C12orf42: variants seen among roughly 807,000 people sequenced by gnomAD.
C12orf42 encodes chromosome 12 open reading frame 42.
In C12orf42, 25 loss-of-function variants were observed where a neutral mutation model predicts 21.6. The observed-to-expected ratio is 1.16, with a 90% CI of 0.84 to 1.62. The LOEUF is 1.62. Ranked by LOEUF, C12orf42 falls within the 40% of genes most tolerant of loss-of-function variation. C12orf42 has a pLI of 0.00. For missense variants in C12orf42, 483 were observed against 459.3 expected (o/e 1.05, Z -0.47); for synonymous variants, 174 against 175.0 (o/e 0.99, Z 0.05).
chr12:103,273,985 G>A, intron 5 of C12orf42: 1 of 454,422 alleles, frequency 2.2e-6, no homozygotes. Flanking sequence ...ATCCCCCCAA[G>A]AGCACTCCTA....
At chr12:103,339,665 T>G (rs189962682) in intron 4 of C12orf42, among the ~76,000 whole-genome samples, 1 of 152,348 alleles carries the variant, frequency 6.6e-6, no homozygotes, top group Admixed American at 6.5e-5. Context: ...CCAGTGAGAA[T>G]GGCTATTATT....
intron 1 of C12orf42, among the ~76,000 whole-genome samples, chr12:103,493,274 A>T (rs1318593863): frequency 6.6e-6 from 1 of 152,142 alleles, no homozygotes; most frequent in Non-Finnish European, 1.5e-5. Flanking sequence ...TAATCTCTCA[A>T]ACCTCATCTT....
At chr12:103,190,572 C>G in the C12orf42 span, among the ~76,000 whole-genome samples, 10 of 152,026 alleles carry the variant, frequency 6.6e-5, no homozygotes, top group African/African-American at 2.4e-4. Context: ...TAAAAAAGAA[C>G]AAAACAAATT....
rs746416298 is a variant in C12orf42, at chr12:103,306,083, A to G, written c.522T>C (p.Pro174=). ...SSFLEQLVKK[P]NWAHSVNPVH... ...CAGGATTTACTGAGTGTGCCCAGTT[A>G]GGCTTTTTAACCAGTTGTTCCAAAA... Residue 174 remains proline, a synonymous_variant, in exon 5 of 6, where the codon CCT becomes CCC. Coordinates refer to ENST00000548883, the MANE Select transcript of C12orf42 (RefSeq NM_198521.5). The G allele has an allele frequency of 6.2e-7, 1 of 1,613,978 alleles. No individual in the cohort carries two copies. The highest frequency in any genetic ancestry group is 8.5e-7 in the Non-Finnish European group (1 of 1,179,850).
intron 2 of C12orf42, among the ~76,000 whole-genome samples, chr12:103,465,992 G>T (rs938647198): frequency 6.6e-6 from 1 of 152,110 alleles, no homozygotes; most frequent in Admixed American, 6.5e-5. Flanking sequence ...TGCTGGATTC[G>T]GTTTGCCAGT....
chr12:103,414,387 C>T (rs954163604), intron 2 of C12orf42, among the ~76,000 whole-genome samples: 1 of 151,994 alleles, frequency 6.6e-6, no homozygotes, highest in East Asian at 1.9e-4. Flanking sequence ...GGATACCAGT[C>T]CTTTCCCAGA....
intron 4 of C12orf42, among the ~76,000 whole-genome samples, chr12:103,353,122 G>A (rs2137504530): frequency 6.6e-6 from 1 of 152,176 alleles, no homozygotes; most frequent in South Asian, 2.1e-4. Context: ...TACACAAAAT[G>A]TAGAGTCCAA....
the C12orf42 span, among the ~76,000 whole-genome samples, chr12:103,150,833 A>G: frequency 1.3e-5 from 2 of 152,178 alleles, no homozygotes; most frequent in Non-Finnish European, 2.9e-5. Flanking sequence ...ACTGACTCAT[A>G]TACATATATT....
the C12orf42 span, among the ~76,000 whole-genome samples, chr12:103,202,806 T>C: frequency 1.3e-5 from 2 of 152,156 alleles, no homozygotes; most frequent in Admixed American, 6.5e-5. Context: ...TGCATTGACA[T>C]AGTAAGTGGT....
chr12:103,357,508 T>C (rs554399749), intron 4 of C12orf42, among the ~76,000 whole-genome samples: 5 of 152,204 alleles, frequency 3.3e-5, no homozygotes. Context: ...ATCTGTCTGC[T>C]GCAGGCAAGG....
the C12orf42 span, among the ~76,000 whole-genome samples, chr12:103,104,625 G>T: frequency 1.3e-5 from 2 of 152,216 alleles, no homozygotes; most frequent in Non-Finnish European, 2.9e-5. Context: ...TATTTTAGTA[G>T]AGATGGGTTT....
intron 4 of C12orf42, among the ~76,000 whole-genome samples, chr12:103,366,697 A>G (rs1479703428): frequency 2.0e-5 from 3 of 152,218 alleles, no homozygotes; most frequent in South Asian, 4.1e-4. Context: ...GCCAACAAAC[A>G]TATGAAAAAA....
chr12:103,054,518 T>C, the C12orf42 span, among the ~76,000 whole-genome samples: 1 of 151,878 alleles, frequency 6.6e-6, no homozygotes, highest in East Asian at 1.9e-4. Context: ...GACAATCATG[T>C]CACCTGTAAA....
At chr12:103,194,374 T>C in the C12orf42 span, among the ~76,000 whole-genome samples, 1 of 151,996 alleles carries the variant, frequency 6.6e-6, no homozygotes, top group Non-Finnish European at 1.5e-5. Context: ...AAGGAAAAAG[T>C]AAAATTACCT....
At chr12:103,143,903 T>A in the C12orf42 span, among the ~76,000 whole-genome samples, 2 of 152,194 alleles carry the variant, frequency 1.3e-5, no homozygotes, top group Non-Finnish European at 2.9e-5. Context: ...AGCTTTCCCA[T>A]TTGCAAAATG....
Position 103,302,449 on chromosome 12 carries a change from T to A in C12orf42, c.742A>T (p.Met248Leu), listed in dbSNP as rs1487831838. The change falls in exon 6 of 6, where the codon ATG (methionine) becomes TTG (leucine). Residue 248 changes from methionine (M) to leucine (L), a missense_variant. Transcript: ENST00000548883. Reference sequence around the variant, plus strand: ...GCCTGAGCGCCTGCTGGGACTGCCATCCTCTCCTCCGGCTCGAGCTCTGTG... The same window carrying A: ...GCCTGAGCGCCTGCTGGGACTGCCAACCTCTCCTCCGGCTCGAGCTCTGTG... ...SNTELEPEER[M>L]AVPAGAQAHP... 1 of 1,613,670 alleles carries A rather than the reference T, an allele frequency of 6.2e-7. No homozygotes were observed. The highest frequency in any genetic ancestry group is 1.3e-5 in the African/African-American group (1 of 74,878).
At chr12:103,294,409 G>GAA (rs1054726966) in intron 4 of C12orf42, among the ~76,000 whole-genome samples, 5 of 132,564 alleles carry the variant, frequency 3.8e-5, no homozygotes, top group African/African-American at 1.5e-4. Context: ...AAGAAAGAAA[G>GAA]AAAGAGAGAA....
chr12:103,442,751 T>C (rs1257530370), intron 2 of C12orf42, among the ~76,000 whole-genome samples: 2 of 152,154 alleles, frequency 1.3e-5, no homozygotes, highest in Non-Finnish European at 2.9e-5. Context: ...ACTACATGCT[T>C]TCCATGTATC....
intron 4 of C12orf42, among the ~76,000 whole-genome samples, chr12:103,322,588 G>T (rs1180861270): frequency 2.0e-5 from 3 of 152,016 alleles, no homozygotes; most frequent in Admixed American, 6.6e-5. Context: ...CATGTGCTTT[G>T]GATATATGAG....
Sources: gnomAD v4.1 joint callset for allele counts (sites outside exome capture counted in the v4.1 genomes callset) on GRCh38, gnomAD v4.1.1 for gene constraint, MANE v1.5 for transcripts, NCBI Gene and HGNC (gene_info 2026-07-23, HGNC 2026-07-21) for gene names.